MCCC2: variants seen among roughly 807,000 people sequenced by gnomAD.
The protein encoded by MCCC2 is methylcrotonyl-CoA carboxylase subunit 2, also known as methylcrotonoyl-CoA carboxylase beta chain, mitochondrial.
Under a neutral mutation model 77.2 loss-of-function variants are expected in MCCC2, and 52 were observed. The ratio of observed to expected loss-of-function variants is 0.67; its 90% CI spans 0.54 to 0.85. MCCC2 has a LOEUF of 0.85. Ranked by LOEUF, MCCC2 falls within the 40% of genes least tolerant of loss-of-function variation. MCCC2 has a pLI of 0.00. For missense variants in MCCC2, 682 were observed against 703.2 expected (o/e 0.97, Z 0.34); for synonymous variants, 253 against 248.4 (o/e 1.02, Z -0.18).
intron 6 of MCCC2, among the ~76,000 whole-genome samples, chr5:71,615,631 C>A (rs764447150): frequency 1.3e-5 from 2 of 152,000 alleles, no homozygotes; most frequent in South Asian, 2.1e-4. Context: ...GATCTCTGTC[C>A]CCAGTTCCAG....
intron 10 of MCCC2, among the ~76,000 whole-genome samples, chr5:71,640,802 G>C (rs1040263254): frequency 2.1e-4 from 32 of 152,168 alleles, no homozygotes; most frequent in East Asian, 9.6e-4. Context: ...TGCTTGTATA[G>C]TGAAGTATAA....
intron 13 of MCCC2, among the ~76,000 whole-genome samples, chr5:71,647,737 A>G (rs973154791): frequency 3.9e-5 from 6 of 151,914 alleles, no homozygotes; most frequent in Non-Finnish European, 7.4e-5. Flanking sequence ...ATAGATAAGA[A>G]CCCCCCTGAG....
chr5:71,652,301 A>C (rs770804279), intron 15 of MCCC2, among the ~76,000 whole-genome samples: 4 of 152,234 alleles, frequency 2.6e-5, no homozygotes, highest in Non-Finnish European at 5.9e-5. Flanking sequence ...TGGCTATTTT[A>C]AATGAGAATC....
At chr5:71,593,883 TAAAA>T (rs1182265852) in intron 2 of MCCC2, among the ~76,000 whole-genome samples, 1 of 152,144 alleles carries the variant, frequency 6.6e-6, no homozygotes, top group African/African-American at 2.4e-5. Context: ...CTCAGGAGTA[TAAAA>T]ATAGTGAAGA....
chr5:71,595,220 T>C (rs1185905057), intron 2 of MCCC2, among the ~76,000 whole-genome samples: 9 of 151,870 alleles, frequency 5.9e-5, no homozygotes, highest in African/African-American at 2.2e-4. Flanking sequence ...GCAGGAGAAT[T>C]GCATGAAGCC....
chr5:71,598,763 GT>G (rs920975079), intron 3 of MCCC2, among the ~76,000 whole-genome samples: 3 of 149,040 alleles, frequency 2.0e-5, no homozygotes, highest in Non-Finnish European at 3.0e-5. Flanking sequence ...GCCATTAGTT[GT>G]TTTTTGAGAC....
intron 6 of MCCC2, among the ~76,000 whole-genome samples, chr5:71,611,548 A>G (rs1486131033): frequency 1.3e-5 from 2 of 152,256 alleles, no homozygotes; most frequent in Non-Finnish European, 2.9e-5. Context: ...CTGTCAATAT[A>G]AGTCTCAAAA....
At chr5:71,650,339 G>A (rs569859258) in intron 15 of MCCC2, among the ~76,000 whole-genome samples, 156 bp downstream of exon 15, 6 of 152,204 alleles carry the variant, frequency 3.9e-5, no homozygotes, top group Non-Finnish European at 7.3e-5. Context: ...CCTGGAAGTT[G>A]TTCCAGCAAA....
chr5:71,648,148 GTGCTC>G lies in MCCC2; in HGVS notation c.1217-946_1217-942del, dbSNP rs755696424. On this transcript the variant is annotated intron_variant, in intron 13 of 16. Transcript: ENST00000340941. The stretch of plus-strand genomic sequence containing the variant: ...CCTGTGGTGACTGCAGAAGGCACAC[GTGCTC>G]TGGAGGAACTGGTTGGGTTGAATTG... Among the ~76,000 whole-genome samples the G allele has an allele frequency of 3.3e-5, 5 of 152,362 alleles. No homozygotes were observed. In the East Asian group the frequency reaches 5.8e-4, roughly 18 times the overall value.
At chr5:71,623,172 A>G (rs1378330965) in intron 6 of MCCC2, among the ~76,000 whole-genome samples, 1 of 152,228 alleles carries the variant, frequency 6.6e-6, no homozygotes, top group African/African-American at 2.4e-5. Context: ...CTTAAGACAG[A>G]TGTTTTTTGA....
At chr5:71,654,076 C>T (rs750871400) in intron 16 of MCCC2, among the ~76,000 whole-genome samples, 6 of 152,166 alleles carry the variant, frequency 3.9e-5, no homozygotes, top group Non-Finnish European at 7.3e-5. Flanking sequence ...CAGCTCACTG[C>T]AATCTCTGCC....
At chr5:71,604,558 A>G in intron 6 of MCCC2, 90 bp downstream of exon 6, 1 of 943,714 alleles carries the variant, frequency 1.1e-6, no homozygotes, top group South Asian at 1.4e-5. Flanking sequence ...TGAAAGTAAA[A>G]CAGAATTTAA....
At chr5:71,652,609 G>T in intron 15 of MCCC2, 60 bp from the exon 16 acceptor site, 1 of 1,268,072 alleles carries the variant, frequency 7.9e-7, no homozygotes, top group Non-Finnish European at 1.2e-6. Flanking sequence ...GAATTGAGAT[G>T]ATCTAAACAG....
intron 7 of MCCC2, among the ~76,000 whole-genome samples, chr5:71,631,369 G>C (rs1401818683): frequency 6.6e-6 from 1 of 152,106 alleles, no homozygotes; most frequent in Admixed American, 6.6e-5. Context: ...AAGCTGTGTA[G>C]AGGAGGCAAC....
At position 71,635,186 on chromosome 5, in the gene MCCC2, T is replaced by C. The variant is rs778632953; in HGVS notation, c.939T>C (p.Pro313=). The change falls in exon 10 of 17, where the codon CCT becomes CCC. Residue 313 remains proline (P), a synonymous_variant. Coordinates refer to ENST00000340941, the MANE Select transcript of MCCC2 (RefSeq NM_022132.5). The stretch of plus-strand genomic sequence containing the variant: ...AACCTTCTGAAGAGCCTTTATTTCC[T>C]GCTGATGAATTGTATGGAATAGTTG... ...TIEPSEEPLF[P]ADELYGIVGA... 6.2e-7 allele frequency: 1 copy of C among 1,614,184 alleles called. No homozygotes were observed. The highest frequency in any genetic ancestry group is 1.3e-5 in the African/African-American group (1 of 75,082).
chr5:71,621,256 C>G (rs1746339686), intron 6 of MCCC2, among the ~76,000 whole-genome samples: 1 of 152,102 alleles, frequency 6.6e-6, no homozygotes, highest in Non-Finnish European at 1.5e-5. Flanking sequence ...CCTGTACTCT[C>G]AGCTTCTTAG....
At chr5:71,622,258 C>T (rs911926434) in intron 6 of MCCC2, among the ~76,000 whole-genome samples, 6 of 145,124 alleles carry the variant, frequency 4.1e-5, no homozygotes, top group East Asian at 4.2e-4. Context: ...CATGGCAAAA[C>T]GCCATCTCTA....
chr5:71,642,854 G>T (rs1747163562), intron 11 of MCCC2, among the ~76,000 whole-genome samples: 1 of 152,114 alleles, frequency 6.6e-6, no homozygotes, highest in African/African-American at 2.4e-5. Context: ...TGATAAGTTA[G>T]CCAGGTGTAG....
chr5:71,604,244 C>A (rs1745573870), intron 5 of MCCC2, 112 bp from the exon 6 acceptor site: 7 of 917,514 alleles, frequency 7.6e-6, no homozygotes, highest in Non-Finnish European at 1.2e-5. Flanking sequence ...AAAGACAGGG[C>A]AAGTTTTTTG....
Sources: gnomAD v4.1 joint callset for allele counts (sites outside exome capture counted in the v4.1 genomes callset) on GRCh38, gnomAD v4.1.1 for gene constraint, MANE v1.5 for transcripts, NCBI Gene and HGNC (gene_info 2026-07-23, HGNC 2026-07-21) for gene names.